PRICKLE2: variants seen among roughly 807,000 people sequenced by gnomAD.
PRICKLE2 encodes prickle planar cell polarity protein 2.
A neutral mutation model predicts 81.4 loss-of-function variants in PRICKLE2; 21 were observed. The observed-to-expected ratio is 0.26, with a 90% CI of 0.18 to 0.37. The LOEUF (loss-of-function observed/expected upper bound fraction) is 0.37, where lower values mean the gene tolerates loss of function less well. Ranked by LOEUF, PRICKLE2 falls within the 10% of genes least tolerant of loss-of-function variation. The probability of loss-of-function intolerance (pLI) is 1.00; values close to 1 mark genes in which losing one functional copy is unlikely to be tolerated. For synonymous variants in PRICKLE2, 456 were observed against 421.5 expected (o/e 1.08, Z -1.00); for missense variants, 940 against 1,109.0 (o/e 0.85, Z 2.16).
At chr3:64,161,364 G>T (rs1262826327) in intron 3 of PRICKLE2, among the ~76,000 whole-genome samples, 1 of 152,174 alleles carries the variant, frequency 6.6e-6, no homozygotes, top group African/African-American at 2.4e-5. Context: ...AAGGTTAAGT[G>T]AATTGCTTGG....
At chr3:64,103,320 T>C (rs1424527143) in intron 7 of PRICKLE2, 2 of 152,176 alleles carry the variant, frequency 1.3e-5, no homozygotes, top group Non-Finnish European at 2.9e-5. Context: ...CAAACCAAAC[T>C]GTCAACAGTC....
intron 5 of PRICKLE2, chr3:64,153,587 C>A: frequency 1.8e-6 from 1 of 550,788 alleles, no homozygotes; most frequent in East Asian, 3.1e-5. Context: ...TCTGGCCTAG[C>A]CAGTAATTAA....
chr3:64,171,614 A>G (rs997888828), intron 2 of PRICKLE2, among the ~76,000 whole-genome samples: 1 of 152,248 alleles, frequency 6.6e-6, no homozygotes, highest in Admixed American at 6.5e-5. Context: ...AAGATACTCA[A>G]TAAGTGTTTG....
At chr3:64,169,544 T>C (rs1398868702) in intron 2 of PRICKLE2, among the ~76,000 whole-genome samples, 3 of 152,160 alleles carry the variant, frequency 2.0e-5, no homozygotes, top group Non-Finnish European at 4.4e-5. Flanking sequence ...ATGGCCATTT[T>C]CATCCCTCTG....
At chr3:64,198,361 T>C (rs1196356584) in intron 2 of PRICKLE2, among the ~76,000 whole-genome samples, 2 of 152,118 alleles carry the variant, frequency 1.3e-5, no homozygotes, top group Admixed American at 6.5e-5. Context: ...AAGTCAACAG[T>C]GGTCAAACAC....
At chr3:64,253,893 G>A (rs1324474781) in intron 2 of PRICKLE2, among the ~76,000 whole-genome samples, 1 of 152,182 alleles carries the variant, frequency 6.6e-6, no homozygotes, top group Non-Finnish European at 1.5e-5. Context: ...GAGTTTCAAG[G>A]TGAGGGGCCT....
intron 2 of PRICKLE2, chr3:64,182,544 GTTC>G (rs2078153854): frequency 1.3e-5 from 2 of 151,012 alleles, no homozygotes; most frequent in African/African-American, 4.9e-5. Context: ...CATCTCTTCT[GTTC>G]TTCTGCCATG....
At chr3:64,233,102 A>G (rs1222477068) in intron 2 of PRICKLE2, among the ~76,000 whole-genome samples, 1 of 152,186 alleles carries the variant, frequency 6.6e-6, no homozygotes, top group Admixed American at 6.5e-5. Context: ...TTGACACTGA[A>G]CATTTTCCAG....
At chr3:64,213,577 C>T (rs1256497699) in intron 1 of PRICKLE2, among the ~76,000 whole-genome samples, 1 of 152,126 alleles carries the variant, frequency 6.6e-6, no homozygotes, top group Non-Finnish European at 1.5e-5. Context: ...TCAGAGAAGC[C>T]AAGTACTGTG....
chr3:64,203,555 C>T (rs2078627581), intron 1 of PRICKLE2, among the ~76,000 whole-genome samples: 1 of 152,088 alleles, frequency 6.6e-6, no homozygotes, highest in Non-Finnish European at 1.5e-5. Context: ...GAAGAGCACA[C>T]TAATGCCGGA....
At chr3:64,106,037 A>C (rs919525789) in intron 7 of PRICKLE2, 2 of 152,230 alleles carry the variant, frequency 1.3e-5, no homozygotes, top group Non-Finnish European at 2.9e-5. Context: ...AGAGGGCAGA[A>C]ACTGTGCTCC....
chr3:64,153,055 C>T (rs954104754), intron 6 of PRICKLE2, 127 bp downstream of exon 6: 2 of 936,718 alleles, frequency 2.1e-6, no homozygotes, highest in South Asian at 1.3e-5. Context: ...TCAAGAAATT[C>T]CCTTTTTCAG....
chr3:64,168,303 A>G (rs2077869068), intron 2 of PRICKLE2, among the ~76,000 whole-genome samples: 1 of 152,192 alleles, frequency 6.6e-6, no homozygotes, highest in Non-Finnish European at 1.5e-5. Flanking sequence ...TCCCTGGGCC[A>G]CACTGGAAGA....
intron 1 of PRICKLE2, among the ~76,000 whole-genome samples, chr3:64,211,159 G>C (rs991856567): frequency 2.0e-5 from 3 of 152,098 alleles, no homozygotes; most frequent in Non-Finnish European, 4.4e-5. Flanking sequence ...TCTCCCACAG[G>C]CAAGACAAGC....
intron 2 of PRICKLE2, among the ~76,000 whole-genome samples, chr3:64,179,237 T>C (rs2078084292): frequency 6.6e-6 from 1 of 151,844 alleles, no homozygotes; most frequent in South Asian, 2.1e-4. Flanking sequence ...CCACCATGCC[T>C]GGCTAATTTC....
At chr3:64,253,362 A>G (rs998326984) in intron 2 of PRICKLE2, among the ~76,000 whole-genome samples, 2 of 152,178 alleles carry the variant, frequency 1.3e-5, no homozygotes, top group Admixed American at 1.3e-4. Flanking sequence ...CTTGTTCAAA[A>G]GTACTAAATT....
rs756302058 is a variant in PRICKLE2, at chr3:64,198,946, CT to C, written c.-20del. ...TCACCATGTGCTCCTCCTGGGGACA[CT>C]TGCAGTGCAGGCAGATCTTCCTGCA... On this transcript the variant is annotated 5_prime_UTR_variant, in exon 2 of 8. Transcript: ENST00000638394. 2 of 1,614,020 alleles carry C rather than the reference CT, an allele frequency of 1.2e-6. No individual in the cohort carries two copies. The highest frequency in any genetic ancestry group is 2.7e-5 in the African/African-American group (2 of 75,046).
chr3:64,219,528 T>A (rs1423156918), intron 1 of PRICKLE2, among the ~76,000 whole-genome samples: 3 of 152,204 alleles, frequency 2.0e-5, no homozygotes, highest in Non-Finnish European at 4.4e-5. Context: ...GTCTTCTGAC[T>A]TTCCAAGCAA....
chr3:64,209,060 T>C (rs967158195), intron 1 of PRICKLE2, among the ~76,000 whole-genome samples: 1 of 152,008 alleles, frequency 6.6e-6, no homozygotes, highest in African/African-American at 2.4e-5. Flanking sequence ...CACCTGTCTA[T>C]CCATTCATTC....
Sources: allele counts gnomAD v4.1 joint callset (sites outside exome capture counted in the v4.1 genomes callset), GRCh38; gene constraint gnomAD v4.1.1; transcripts MANE v1.5; gene names NCBI Gene and HGNC (gene_info 2026-07-23, HGNC 2026-07-21).